The following ZMAT4 variants were observed in gnomAD, a reference collection of about 807,000 sequenced individuals.
ZMAT4 encodes zinc finger matrin-type protein 4.
Under a neutral mutation model 28.7 loss-of-function variants are expected in ZMAT4, and 17 were observed. The ratio of observed to expected loss-of-function variants is 0.59; its 90% confidence interval spans 0.41 to 0.89. The LOEUF is 0.89. Among genes scored for constraint, ZMAT4 ranks in the 40% least tolerant of loss-of-function variants. The pLI is 0.00. For synonymous variants in ZMAT4, 117 were observed against 109.2 expected, an observed-to-expected ratio of 1.07 and a Z score of -0.44; for missense variants, 240 against 283.8, an observed-to-expected ratio of 0.85 and a Z score of 1.11.
chr8:40,618,197 G>A (rs1806080131), intron 5 of ZMAT4, among the ~76,000 whole-genome samples: 1 of 152,176 alleles, frequency 6.6e-6, no homozygotes, highest in Non-Finnish European at 1.5e-5. Context: ...AATATTTAGA[G>A]GAACTTTAAA....
At chr8:40,683,732 G>A (rs1409087928) in intron 4 of ZMAT4, among the ~76,000 whole-genome samples, 1 of 152,048 alleles carries the variant, frequency 6.6e-6, no homozygotes, top group Non-Finnish European at 1.5e-5. Flanking sequence ...ATTTAAGAAG[G>A]AAACAAAAAT....
chr8:40,783,621 A>G (rs1392286413), intron 2 of ZMAT4, among the ~76,000 whole-genome samples: 1 of 152,204 alleles, frequency 6.6e-6, no homozygotes, highest in Non-Finnish European at 1.5e-5. Context: ...TATAAAAACT[A>G]CTATAAATAA....
At chr8:40,855,463 G>C (rs546120680) in intron 1 of ZMAT4, among the ~76,000 whole-genome samples, 16 of 152,212 alleles carry the variant, frequency 1.1e-4, no homozygotes. Flanking sequence ...AAACTCCACA[G>C]GTTCTGTAGG....
chr8:40,710,627 A>G (rs1370684655), intron 3 of ZMAT4, among the ~76,000 whole-genome samples: 2 of 152,094 alleles, frequency 1.3e-5, no homozygotes, highest in Non-Finnish European at 2.9e-5. Flanking sequence ...GGGGGAAAAA[A>G]AAAAAGACTA....
At chr8:40,667,304 C>T (rs932656345) in intron 5 of ZMAT4, among the ~76,000 whole-genome samples, 20 of 152,086 alleles carry the variant, frequency 1.3e-4, no homozygotes, top group Non-Finnish European at 2.4e-4. Flanking sequence ...TATAGGCGCC[C>T]GCCACCACGC....
intron 6 of ZMAT4, among the ~76,000 whole-genome samples, chr8:40,543,537 A>G (rs1485080737): frequency 1.3e-5 from 2 of 152,200 alleles, no homozygotes; most frequent in East Asian, 3.9e-4. Flanking sequence ...GGAATGGGAC[A>G]CAGTGCTGTG....
chr8:40,695,696 G>A (rs573089459), intron 4 of ZMAT4, among the ~76,000 whole-genome samples: 2 of 150,066 alleles, frequency 1.3e-5, no homozygotes, highest in South Asian at 4.2e-4. Flanking sequence ...TTGAATTCAG[G>A]AAAACAATTG....
At chr8:40,586,145 C>G (rs369362888) in intron 5 of ZMAT4, among the ~76,000 whole-genome samples, 6 of 152,148 alleles carry the variant, frequency 3.9e-5, no homozygotes, top group African/African-American at 1.4e-4. Flanking sequence ...AGTCCTCCCC[C>G]ACGCATGACA....
Position 40,553,302 on chromosome 8 carries a change from G to T in ZMAT4, c.675-21064C>A, listed in dbSNP as rs542956720. 2.0e-5 allele frequency among the ~76,000 whole-genome samples: 3 copies of T among 152,240 alleles called. No individual in the cohort carries two copies. In the South Asian group the frequency reaches 6.2e-4, roughly 32 times the overall value. The stretch of plus-strand genomic sequence containing the variant: ...ATTCCTGATTCACAGTAACTATGAG[G>T]CAATAAATATTTGTTGTTTCAAGCT... On this transcript the variant is annotated intron_variant, in intron 6 of 6. Coordinates refer to ENST00000297737, the MANE Select transcript of ZMAT4 (RefSeq NM_024645.3).
chr8:40,656,299 G>A (rs577024036), intron 5 of ZMAT4, among the ~76,000 whole-genome samples: 31 of 152,272 alleles, frequency 2.0e-4, no homozygotes, highest in Admixed American at 1.7e-3. Context: ...GATAATAAGT[G>A]TTGACAAAGA....
At chr8:40,543,516 A>G (rs1429948) in intron 6 of ZMAT4, among the ~76,000 whole-genome samples, 17,189 of 152,214 alleles carry the variant, frequency 0.11, 1,283 homozygotes, top group East Asian at 0.18. Flanking sequence ...CCAGCAGGAC[A>G]TCGAGGATAT....
chr8:40,556,250 G>T (rs1051433936), intron 6 of ZMAT4, among the ~76,000 whole-genome samples: 4 of 151,996 alleles, frequency 2.6e-5, no homozygotes, highest in African/African-American at 4.8e-5. Flanking sequence ...TTAACTTATT[G>T]TGTGCTTCTC....
intron 1 of ZMAT4, among the ~76,000 whole-genome samples, chr8:40,880,556 A>G (rs1397254710): frequency 6.6e-6 from 1 of 152,102 alleles, no homozygotes; most frequent in Non-Finnish European, 1.5e-5. Context: ...TTATTGTTGG[A>G]ATTCTTATTG....
At chr8:40,859,675 G>A (rs941282044) in intron 1 of ZMAT4, among the ~76,000 whole-genome samples, 27 of 152,158 alleles carry the variant, frequency 1.8e-4, no homozygotes, top group Middle Eastern at 3.2e-3. Context: ...GTGTGTGCAC[G>A]TGAGAGATGC....
intron 3 of ZMAT4, among the ~76,000 whole-genome samples, chr8:40,723,524 C>T (rs1245071665): frequency 1.0e-5 from 1 of 97,490 alleles, no homozygotes; most frequent in Non-Finnish European, 1.8e-5. Context: ...GCCTGGGTGA[C>T]ACAGCAAGAT....
intron 1 of ZMAT4, among the ~76,000 whole-genome samples, chr8:40,866,540 G>A (rs1461037390): frequency 1.3e-5 from 2 of 152,122 alleles, no homozygotes; most frequent in Non-Finnish European, 2.9e-5. Context: ...GGGTGTGCTT[G>A]GTGTTTTATA....
intron 4 of ZMAT4, among the ~76,000 whole-genome samples, chr8:40,686,018 C>T (rs1169594533): frequency 6.6e-6 from 1 of 152,138 alleles, no homozygotes; most frequent in African/African-American, 2.4e-5. Flanking sequence ...GGATGGGCTT[C>T]ACTTGCACCT....
chr8:40,552,465 T>C (rs1803395543), intron 6 of ZMAT4, among the ~76,000 whole-genome samples: 1 of 152,158 alleles, frequency 6.6e-6, no homozygotes, highest in Admixed American at 6.6e-5. Context: ...CATACCAAAC[T>C]CTGTGTACTG....
chr8:40,733,958 G>A (rs150633538), intron 3 of ZMAT4, among the ~76,000 whole-genome samples: 64 of 152,236 alleles, frequency 4.2e-4, no homozygotes, highest in African/African-American at 1.5e-3. Context: ...GTAAAAACAA[G>A]ATACTATGTA....
Sources: allele counts gnomAD v4.1 joint callset (sites outside exome capture counted in the v4.1 genomes callset), GRCh38; gene constraint gnomAD v4.1.1; transcripts MANE v1.5; gene names NCBI Gene and HGNC (gene_info 2026-07-23, HGNC 2026-07-21).